Variants in NRXN1 observed in about 807,000 individuals in gnomAD.
The protein encoded by NRXN1 is neurexin-1.
In NRXN1, 39 loss-of-function variants were observed where a neutral mutation model predicts 150.9. The observed-to-expected ratio is 0.26, with a 90% CI of 0.20 to 0.34. The LOEUF (loss-of-function observed/expected upper bound fraction) is 0.34, where lower values mean the gene tolerates loss of function less well. NRXN1 is among the 10% of genes least tolerant of loss of function. The pLI, the probability that NRXN1 is intolerant of heterozygous loss-of-function variation, is 1.00. For missense variants in NRXN1, 1,815 were observed against 1,949.9 expected, an observed-to-expected ratio of 0.93 and a Z score of 1.30; for synonymous variants, 924 against 757.0, an observed-to-expected ratio of 1.22 and a Z score of -3.62.
chr2:50,561,007 AT>A (rs1291588812), intron 8 of NRXN1, among the ~76,000 whole-genome samples: 3 of 152,234 alleles, frequency 2.0e-5, no homozygotes, highest in Non-Finnish European at 4.4e-5. Flanking sequence ...AAAAAACAAT[AT>A]TTTGTTTACA....
chr2:50,049,994 T>G (rs1692440958), intron 21 of NRXN1, among the ~76,000 whole-genome samples: 1 of 152,040 alleles, frequency 6.6e-6, no homozygotes, highest in Non-Finnish European at 1.5e-5. Context: ...TTATAAATTT[T>G]ATGTAATCCA....
intron 13 of NRXN1, among the ~76,000 whole-genome samples, chr2:50,501,310 G>T (rs1383420375): frequency 6.6e-6 from 1 of 151,864 alleles, no homozygotes; most frequent in Non-Finnish European, 1.5e-5. Context: ...GAGCGCCAGG[G>T]TCCAGATTTC....
At chr2:51,014,222 C>G (rs1035613596) in intron 2 of NRXN1, among the ~76,000 whole-genome samples, 1 of 151,950 alleles carries the variant, frequency 6.6e-6, no homozygotes, top group African/African-American at 2.4e-5. Flanking sequence ...CATTAGCCAG[C>G]TGAAGTGATA....
At chr2:50,940,326 T>G (rs11680442) in intron 2 of NRXN1, among the ~76,000 whole-genome samples, 2 of 151,752 alleles carry the variant, frequency 1.3e-5, no homozygotes, top group African/African-American at 4.8e-5. Flanking sequence ...AATACAAAAA[T>G]TAGCTGGGCA....
At chr2:50,525,221 T>G (rs1326251012) in intron 12 of NRXN1, among the ~76,000 whole-genome samples, 3 of 152,226 alleles carry the variant, frequency 2.0e-5, no homozygotes, top group African/African-American at 7.2e-5. Context: ...TTGTTCAATA[T>G]GATTTAAGGT....
chr2:50,080,355 G>C, intron 19 of NRXN1, among the ~76,000 whole-genome samples: 1 of 152,188 alleles, frequency 6.6e-6, no homozygotes. Flanking sequence ...TATATGTATA[G>C]GGAAACACAT....
chr2:50,235,091 T>C (rs978135931), intron 18 of NRXN1, among the ~76,000 whole-genome samples: 1 of 152,080 alleles, frequency 6.6e-6, no homozygotes, highest in African/African-American at 2.4e-5. Context: ...AGAGTAAAAG[T>C]GTAATTGGTT....
intron 22 of NRXN1, among the ~76,000 whole-genome samples, chr2:49,937,821 T>G (rs1320733412): frequency 1.3e-5 from 2 of 149,384 alleles, no homozygotes; most frequent in Non-Finnish European, 3.0e-5. Context: ...ATAACACACA[T>G]TTAAATGTAG....
At chr2:50,665,222 C>T (rs1012434498) in intron 5 of NRXN1, among the ~76,000 whole-genome samples, 1 of 151,778 alleles carries the variant, frequency 6.6e-6, no homozygotes, top group South Asian at 2.1e-4. Flanking sequence ...ACTTTTCTAC[C>T]AGTTAATAAA....
At chr2:50,942,363 T>A (rs1244737930) in intron 2 of NRXN1, among the ~76,000 whole-genome samples, 1 of 150,600 alleles carries the variant, frequency 6.6e-6, no homozygotes, top group East Asian at 2.0e-4. Flanking sequence ...CCTAGTGGAG[T>A]TGTGAGAAGG....
chr2:50,944,735 C>T (rs947472390), intron 2 of NRXN1, among the ~76,000 whole-genome samples: 5 of 152,096 alleles, frequency 3.3e-5, no homozygotes, highest in Non-Finnish European at 7.4e-5. Flanking sequence ...CTGTTTATGC[C>T]TGTACTGCAA....
At chr2:50,212,955 A>G (rs2063139848) in intron 18 of NRXN1, among the ~76,000 whole-genome samples, 1 of 151,922 alleles carries the variant, frequency 6.6e-6, no homozygotes, top group African/African-American at 2.4e-5. Context: ...TTAGTATGGG[A>G]AACACTCATT....
At chr2:50,328,800 A>G (rs568726207) in intron 17 of NRXN1, among the ~76,000 whole-genome samples, 15 of 152,240 alleles carry the variant, frequency 9.9e-5, no homozygotes, top group African/African-American at 3.6e-4. Context: ...ACCGCTATAA[A>G]CTTCTGTCAC....
At chr2:50,514,728 G>A (rs2092574453) in intron 12 of NRXN1, among the ~76,000 whole-genome samples, 1 of 152,170 alleles carries the variant, frequency 6.6e-6, no homozygotes, top group African/African-American at 2.4e-5. Flanking sequence ...GCTAGCTTGA[G>A]AGCTATAGTG....
intron 2 of NRXN1, among the ~76,000 whole-genome samples, chr2:50,981,954 CAG>C (rs758737318): frequency 7.3e-5 from 11 of 151,548 alleles, no homozygotes; most frequent in Non-Finnish European, 1.3e-4. Flanking sequence ...AAAAGAGAGA[CAG>C]AGAGAGAGAT....
chr2:50,511,743 G>C (rs1388830838), intron 12 of NRXN1, among the ~76,000 whole-genome samples: 1 of 152,132 alleles, frequency 6.6e-6, no homozygotes, highest in Non-Finnish European at 1.5e-5. Flanking sequence ...ATGTGTGTTA[G>C]CAAGTATATG....
chr2:50,363,081 A>G (rs977396846), intron 17 of NRXN1, among the ~76,000 whole-genome samples: 1 of 152,208 alleles, frequency 6.6e-6, no homozygotes, highest in Non-Finnish European at 1.5e-5. Context: ...GCCTTATACA[A>G]AAATTAACTT....
chr2:49,930,787 A>G (rs554953992), intron 22 of NRXN1, among the ~76,000 whole-genome samples: 81 of 152,308 alleles, frequency 5.3e-4, no homozygotes, highest in Middle Eastern at 6.8e-3. Context: ...TAGTTAGATG[A>G]AAGCTTTTGT....
chr2:50,757,449 A>G (rs1574369250), intron 5 of NRXN1, among the ~76,000 whole-genome samples: 1 of 151,852 alleles, frequency 6.6e-6, no homozygotes, highest in Admixed American at 6.6e-5. Context: ...AGATATCCCA[A>G]TTACCCTGAC....
Sources: allele counts gnomAD v4.1 joint callset (sites outside exome capture counted in the v4.1 genomes callset), GRCh38; gene constraint gnomAD v4.1.1; transcripts MANE v1.5; gene names NCBI Gene and HGNC (gene_info 2026-07-23, HGNC 2026-07-21).